Variants in SIK2 observed in about 807,000 individuals in gnomAD.
The protein encoded by SIK2 is salt inducible kinase 2, also known as serine/threonine-protein kinase SIK2.
Under a neutral mutation model 103.2 loss-of-function variants are expected in SIK2, and 29 were observed. The ratio of observed to expected loss-of-function variants is 0.28; its 90% CI spans 0.21 to 0.38. SIK2 has a LOEUF of 0.38. Ranked by LOEUF, SIK2 falls within the 10% of genes least tolerant of loss-of-function variation. The pLI, the probability that SIK2 is intolerant of heterozygous loss-of-function variation, is 1.00. For synonymous variants in SIK2, 412 were observed against 446.1 expected (o/e 0.92, Z 0.96); for missense variants, 879 against 1,171.0 (o/e 0.75, Z 3.64).
chr11:111,723,969 A>G lies in SIK2; in HGVS notation c.2621A>G (p.Gln874Arg). 6.2e-7 allele frequency: 1 copy of G among 1,614,188 alleles called. No homozygotes were observed. The highest frequency in any genetic ancestry group is 8.5e-7 in the Non-Finnish European group (1 of 1,180,028). The change falls in exon 15 of 15, where the codon CAG becomes CGG. Residue 874 changes from glutamine to arginine, a missense_variant. Physicochemically the swap from Gln to Arg is conservative, Grantham distance 43. Transcript: ENST00000304987. The part of the protein sequence containing the change: ...PCQYPVDGAQ[Q>R]SDLTGPDCPR... ...CAGTATCCTGTGGATGGAGCCCAGC[A>G]GAGCGACCTAACGGGGCCAGACTGT... is the stretch of plus-strand genomic sequence containing the variant.
chr11:111,704,866 C>G (rs1943303935), intron 7 of SIK2, 121 bp from the exon 8 acceptor site: 1 of 1,185,344 alleles, frequency 8.4e-7, no homozygotes, highest in African/African-American at 1.6e-5. Context: ...TCTTGAGACA[C>G]TTTGTTTTTC....
intron 3 of SIK2, among the ~76,000 whole-genome samples, chr11:111,676,217 A>G (rs1942701692): frequency 6.6e-6 from 1 of 152,238 alleles, no homozygotes; most frequent in Admixed American, 6.5e-5. Context: ...GTGTGTAATG[A>G]ATATACACAT....
rs183870357 is a variant in SIK2 at position 111,619,433 on chromosome 11, G to A, written c.253-906G>A. On this transcript the variant is annotated intron_variant, in intron 2 of 14. Coordinates refer to ENST00000304987, the MANE Select transcript of SIK2 (RefSeq NM_015191.3). ...TTTTGAGACATAGTTTTCATCTGTC[G>A]CCCAGATACAAGCAGCTCTCCCACC... Among the ~76,000 whole-genome samples the A allele has an allele frequency of 1.0e-3, 155 of 150,996 alleles. 1 individual carries two copies. Among genetic ancestry groups the A allele is most frequent in the African/African-American group, 3.2e-3 (133 of 41,090 alleles).
At chr11:111,719,493 G>T (rs1301917014) in intron 9 of SIK2, among the ~76,000 whole-genome samples, 1 of 150,822 alleles carries the variant, frequency 6.6e-6, no homozygotes, top group Admixed American at 6.6e-5. Context: ...CTGTTCTTCT[G>T]GAAACCACTA....
chr11:111,604,728 C>A (rs1055847175), intron 1 of SIK2, among the ~76,000 whole-genome samples: 1 of 152,114 alleles, frequency 6.6e-6, no homozygotes, highest in African/African-American at 2.4e-5. Context: ...AAATGATTTA[C>A]GTTAAAAGCT....
At chr11:111,664,340 C>T (rs1942506192) in intron 3 of SIK2, among the ~76,000 whole-genome samples, 1 of 152,016 alleles carries the variant, frequency 6.6e-6, no homozygotes, top group Non-Finnish European at 1.5e-5. Flanking sequence ...ACCAGGTATT[C>T]GGCCAGGCAC....
At chr11:111,711,740 G>C (rs1290137099) in intron 8 of SIK2, among the ~76,000 whole-genome samples, 1 of 152,218 alleles carries the variant, frequency 6.6e-6, no homozygotes, top group Non-Finnish European at 1.5e-5. Context: ...AAGGCGGGTA[G>C]GGCAGGCAGA....
intron 2 of SIK2, among the ~76,000 whole-genome samples, chr11:111,617,467 C>T (rs890970617): frequency 7.2e-5 from 11 of 152,154 alleles, no homozygotes; most frequent in Non-Finnish European, 1.3e-4. Context: ...TGCTGGACTC[C>T]GCCTGTACCG....
At chr11:111,656,846 T>A (rs1180231532) in intron 3 of SIK2, among the ~76,000 whole-genome samples, 1 of 152,254 alleles carries the variant, frequency 6.6e-6, no homozygotes, top group Non-Finnish European at 1.5e-5. Context: ...ATACTCTAGA[T>A]GTTTAGCTAA....
intron 3 of SIK2, among the ~76,000 whole-genome samples, chr11:111,658,090 TTTTATTTATTTATTTATTTATTTATTTA>T (rs199738502): frequency 2.2e-5 from 3 of 135,560 alleles, no homozygotes; most frequent in Non-Finnish European, 4.7e-5. Flanking sequence ...TTCATTTTTA[TTTTATTTATTTATTTATTTATTTATTTA>T]TTTATTTATT....
chr11:111,698,016 A>G (rs1026892604), intron 4 of SIK2, among the ~76,000 whole-genome samples: 5 of 152,132 alleles, frequency 3.3e-5, no homozygotes, highest in Non-Finnish European at 5.9e-5. Flanking sequence ...TCTCAAAAGA[A>G]TATATAAATA....
chr11:111,648,898 A>C (rs1942292478), intron 3 of SIK2, among the ~76,000 whole-genome samples: 3 of 152,208 alleles, frequency 2.0e-5, no homozygotes, highest in Admixed American at 2.0e-4. Flanking sequence ...GTTAGCATGT[A>C]GATCTTTTGG....
At chr11:111,611,745 A>C (rs1385158629) in intron 1 of SIK2, among the ~76,000 whole-genome samples, 2 of 152,174 alleles carry the variant, frequency 1.3e-5, no homozygotes, top group Non-Finnish European at 1.5e-5. Context: ...GAATAGATGA[A>C]CACCACCAAA....
intron 3 of SIK2, among the ~76,000 whole-genome samples, chr11:111,632,749 C>G (rs2135849978): frequency 6.6e-6 from 1 of 152,242 alleles, no homozygotes; most frequent in East Asian, 1.9e-4. Flanking sequence ...ATTTCTGTTT[C>G]TTCTGCCCCG....
chr11:111,658,219 G>A (rs530540453), intron 3 of SIK2, among the ~76,000 whole-genome samples: 17 of 151,838 alleles, frequency 1.1e-4, no homozygotes, highest in Middle Eastern at 6.8e-3. Flanking sequence ...TCCGCCTCCT[G>A]GGTTCAAGTG....
rs926359599 is a variant in SIK2 at position 111,724,968 on chromosome 11, G to A, written c.*839G>A. ...AGACAGGCTCTTCCTGCAGTTTCTC[G>A]TGGACACTGCTGGCTTGCGGGCAGT... On this transcript the variant is annotated 3_prime_UTR_variant, in exon 15 of 15. Transcript: ENST00000304987. 13 of 152,436 alleles carry A rather than the reference G, an allele frequency of 8.5e-5. No individual in the cohort carries two copies. The highest frequency in any genetic ancestry group is 2.1e-4 in the South Asian group (1 of 4,836). 9.4% of individuals were successfully genotyped at this position (152,436 alleles called of 1,614,324 possible). A position where few individuals can be genotyped will look rare whatever the true frequency, so the allele number is the denominator to read the frequency against.
At chr11:111,664,080 C>T (rs1297836114) in intron 3 of SIK2, among the ~76,000 whole-genome samples, 1 of 152,222 alleles carries the variant, frequency 6.6e-6, no homozygotes, top group African/African-American at 2.4e-5. Context: ...CTGCCTTCCA[C>T]CTTCCAGCCA....
At chr11:111,650,869 C>T (rs541393498) in intron 3 of SIK2, among the ~76,000 whole-genome samples, 62 of 152,108 alleles carry the variant, frequency 4.1e-4, no homozygotes, top group African/African-American at 1.3e-3. Flanking sequence ...CCTAAAAATA[C>T]GGTTGGTCTT....
At chr11:111,697,520 A>T (rs1313626187) in intron 4 of SIK2, among the ~76,000 whole-genome samples, 2 of 152,240 alleles carry the variant, frequency 1.3e-5, no homozygotes, top group Non-Finnish European at 2.9e-5. Flanking sequence ...ATCTATTTCT[A>T]TTAATTCAAC....
Sources: allele counts gnomAD v4.1 joint callset (sites outside exome capture counted in the v4.1 genomes callset), GRCh38; gene constraint gnomAD v4.1.1; transcripts MANE v1.5; gene names NCBI Gene and HGNC (gene_info 2026-07-23, HGNC 2026-07-21).